BSND: variants seen among roughly 807,000 people sequenced by gnomAD.
BSND encodes barttin.
In BSND, 13 loss-of-function variants were observed where a neutral mutation model predicts 18.8. The observed-to-expected ratio is 0.69, with a 90% CI of 0.45 to 1.10. The LOEUF is 1.10. BSND is among the 50% of genes least tolerant of loss of function. The pLI, the probability that BSND is intolerant of heterozygous loss-of-function variation, is 0.00. For synonymous variants in BSND, 170 were observed against 161.8 expected (o/e 1.05, Z -0.39); for missense variants, 379 against 416.7 (o/e 0.91, Z 0.79).
chr1:55,001,317 A>C (rs946481697), intron 1 of BSND, among the ~76,000 whole-genome samples: 2 of 151,264 alleles, frequency 1.3e-5, no homozygotes, highest in African/African-American at 4.9e-5. Context: ...GAGGATTGGT[A>C]TTTGCGGCAC....
intron 2 of BSND, among the ~76,000 whole-genome samples, chr1:55,005,853 A>G (rs980784734): frequency 6.6e-6 from 1 of 151,406 alleles, no homozygotes; most frequent in Admixed American, 6.5e-5. Context: ...CAGTGATGGA[A>G]GCCGGGCCTG....
At chr1:55,007,981 A>G (rs953276316) in intron 3 of BSND, among the ~76,000 whole-genome samples, 3 of 152,238 alleles carry the variant, frequency 2.0e-5, no homozygotes, top group African/African-American at 7.2e-5. Flanking sequence ...GCATAGTAAT[A>G]GCCCTATTTC....
At position 55,008,616 on chromosome 1, in the gene BSND, C is replaced by A. The variant is rs876657432; in HGVS notation, c.951C>A (p.Asp317Glu). 6.2e-7 allele frequency: 1 copy of A among 1,614,156 alleles called. No individual in the cohort carries two copies. Among genetic ancestry groups the A allele is most frequent in the South Asian group, 1.1e-5 (1 of 91,082 alleles). The change falls in exon 4 of 4, where the codon GAC (aspartate) becomes GAA (glutamate). Residue 317 changes from aspartate to glutamate, a missense_variant. Transcript: ENST00000651561. ...ACAAGGAGCTGGGTTTTGAGCCTGA[C>A]ACCCAAGGCTGAGATGTTTGTGCTC... ...LPDKELGFEP[D>E]TQG
rs761777830 is a variant in BSND at position 55,007,112 on chromosome 1, T to TCCTTGCTG, written c.389_396dup (p.Ala133ProfsTer48). 5 of 1,614,122 alleles carry TCCTTGCTG rather than the reference T, an allele frequency of 3.1e-6. No homozygotes were observed. In the South Asian group the frequency reaches 5.5e-5, roughly 18 times the overall value. Reference sequence around the variant, plus strand: ...CATGAGCTACAGTGAGGACCACCGCTCCTTGCTGGCCCCTGAGATGGGGCA... The same window carrying TCCTTGCTG: ...CATGAGCTACAGTGAGGACCACCGCTCCTTGCTGCCTTGCTGGCCCCTGAGATGGGGCA... On this transcript the variant is annotated frameshift_variant, in exon 3 of 4. Transcript: ENST00000651561. LOFTEE classifies it high-confidence loss of function.
chr1:54,999,741 C>T (rs539235609), intron 1 of BSND, among the ~76,000 whole-genome samples: 2 of 152,334 alleles, frequency 1.3e-5, no homozygotes, highest in South Asian at 4.1e-4. Flanking sequence ...CCTTTTGGTG[C>T]TTTCTGTAGT....
rs930029629 is a variant in BSND, at chr1:55,011,306, TAGG to T, written c.*2682_*2684del. The T allele has an allele frequency of 1.4e-5, 2 of 139,194 alleles. No homozygotes were observed. The highest frequency in any genetic ancestry group is 3.1e-5 in the Non-Finnish European group (2 of 64,688). The allele number at this position is 139,194 out of a possible 1,614,324, so 8.6% of individuals were successfully genotyped here. A position where few individuals can be genotyped will look rare whatever the true frequency, so the allele number is the denominator to read the frequency against. ...ACACCGACTGCCTCTGCTAAGTTAT[TAGG>T]AGGCCCCTTTCACGCTCGAAGATAC... is the stretch of plus-strand genomic sequence containing the variant. On this transcript the variant is annotated 3_prime_UTR_variant, in exon 4 of 4. Coordinates refer to ENST00000651561, the MANE Select transcript of BSND (RefSeq NM_057176.3).
Position 55,010,938 on chromosome 1 carries a change from G to A in BSND, c.*2310G>A, listed in dbSNP as rs1490641173. 2.6e-5 allele frequency: 4 copies of A among 152,214 alleles called. No individual in the cohort carries two copies. The highest frequency in any genetic ancestry group is 5.9e-5 in the Non-Finnish European group (4 of 68,044). 9.4% of individuals were successfully genotyped at this position (152,214 alleles called of 1,614,324 possible). A position where few individuals can be genotyped will look rare whatever the true frequency, so the allele number is the denominator to read the frequency against. On this transcript the variant is annotated 3_prime_UTR_variant, in exon 4 of 4. Coordinates refer to ENST00000651561, the MANE Select transcript of BSND (RefSeq NM_057176.3). Reference sequence around the variant, plus strand: ...TTTCTTTAAAACCACCCCTTCCCTCGGGGCAGGATACGTGAGGCCTTACGC... The same window carrying A: ...TTTCTTTAAAACCACCCCTTCCCTCAGGGCAGGATACGTGAGGCCTTACGC...
At chr1:55,004,862 G>C (rs1157352361) in intron 1 of BSND, among the ~76,000 whole-genome samples, 160 bp from the exon 2 acceptor site, 2 of 152,226 alleles carry the variant, frequency 1.3e-5, no homozygotes, top group African/African-American at 2.4e-5. Flanking sequence ...CCTCCCGCTG[G>C]TGCTGTGCCC....
chr1:55,005,840 A>C (rs1644388935), intron 2 of BSND, among the ~76,000 whole-genome samples: 1 of 151,502 alleles, frequency 6.6e-6, no homozygotes, highest in South Asian at 2.1e-4. Context: ...CCTCATGGGG[A>C]GTCAGTGATG....
At position 55,011,417 on chromosome 1, in the gene BSND, A is replaced by C. The variant is rs1438533806; in HGVS notation, c.*2789A>C. The C allele has an allele frequency of 6.6e-6, 1 of 152,232 alleles. No homozygotes were observed. Among genetic ancestry groups the C allele is most frequent in the African/African-American group, 2.4e-5 (1 of 41,450 alleles). The allele number at this position is 152,232 out of a possible 1,614,324, so 9.4% of individuals were successfully genotyped here. On this transcript the variant is annotated 3_prime_UTR_variant, in exon 4 of 4. Coordinates refer to ENST00000651561, the MANE Select transcript of BSND (RefSeq NM_057176.3). ...TGCCTCCGTAGCCCTCAGCTTTCTCATGTGCAAATGACAGATGAAGTGCGC... is the reference window on the plus strand; with the variant it reads ...TGCCTCCGTAGCCCTCAGCTTTCTCCTGTGCAAATGACAGATGAAGTGCGC...
At position 55,002,419 on chromosome 1, in the gene BSND, C is replaced by T. The variant is rs539408668; in HGVS notation, c.178-2603C>T. On this transcript the variant is annotated intron_variant, in intron 1 of 3. Coordinates refer to ENST00000651561, the MANE Select transcript of BSND (RefSeq NM_057176.3). ...GAGAGCAGGGTCTCTGCCCACGCATCCCCCATTCCTCACTCCTGCCTGCTG... is the reference window on the plus strand; with the variant it reads ...GAGAGCAGGGTCTCTGCCCACGCATTCCCCATTCCTCACTCCTGCCTGCTG... Among the ~76,000 whole-genome samples, 5 of 152,322 alleles carry T rather than the reference C, an allele frequency of 3.3e-5. No homozygotes were observed. The East Asian group carries it at 5.8e-4, about 18-fold the overall frequency.
rs1181325994 is a variant in BSND, at chr1:55,009,950, AG to A, written c.*1324del. 1 of 152,254 alleles carries A rather than the reference AG, an allele frequency of 6.6e-6. No individual in the cohort carries two copies. Among genetic ancestry groups the A allele is most frequent in the Non-Finnish European group, 1.5e-5 (1 of 68,090 alleles). 9.4% of individuals were successfully genotyped at this position (152,254 alleles called of 1,614,324 possible). A position where few individuals can be genotyped will look rare whatever the true frequency, so the allele number is the denominator to read the frequency against. ...TCAGCTACTTGGGAGGCTGAGCTGG[AG>A]GATAGCTTAAGCACAGGAGATGGAA... On this transcript the variant is annotated 3_prime_UTR_variant, in exon 4 of 4. Transcript: ENST00000651561.
rs570567909 is a variant in BSND at position 55,000,905 on chromosome 1, G to A, written c.177+1542G>A. On this transcript the variant is annotated intron_variant, in intron 1 of 3. Transcript: ENST00000651561. The stretch of plus-strand genomic sequence containing the variant: ...GGAGAGGAGCATCCTTCCTGCCCCC[G>A]CTCTTAAATAGAGCTGGCTCTGGGA... 4.0e-4 allele frequency among the ~76,000 whole-genome samples: 61 copies of A among 152,284 alleles called. 1 individual carries two copies. Among genetic ancestry groups the A allele is most frequent in the Admixed American group, 1.4e-3 (21 of 15,300 alleles).
In BSND at chr1:55,014,111, T is replaced by C. The variant is rs1644436663; in HGVS notation, c.*5483T>C. Among the ~76,000 whole-genome samples, 1 of 151,944 alleles carries C rather than the reference T, an allele frequency of 6.6e-6. No homozygotes were observed. Among genetic ancestry groups the C allele is most frequent in the African/African-American group, 2.4e-5 (1 of 41,362 alleles). ...CAGTCTCCCCACATGGACTGGGAGG[T>C]CCTTCAAGGACAGGGGCCTCTTCCC... is the stretch of plus-strand genomic sequence containing the variant. On this transcript the variant is annotated 3_prime_UTR_variant, in exon 4 of 4. Transcript: ENST00000651561.
Position 55,017,132 on chromosome 1 carries a change from C to T in BSND, c.*8504C>T, listed in dbSNP as rs1420928006. Among the ~76,000 whole-genome samples, 2 of 152,176 alleles carry T rather than the reference C, an allele frequency of 1.3e-5. No individual in the cohort carries two copies. The highest frequency in any genetic ancestry group is 4.8e-5 in the African/African-American group (2 of 41,436). On this transcript the variant is annotated 3_prime_UTR_variant, in exon 4 of 4. Coordinates refer to ENST00000651561, the MANE Select transcript of BSND (RefSeq NM_057176.3). The stretch of plus-strand genomic sequence containing the variant: ...TGTGCCCTCAGTGCTTAGTTAAGTT[C>T]CTGGAACACAGTATCCTCTCAATAA...
In BSND at chr1:55,013,415, A is replaced by G. The variant is rs1232540414; in HGVS notation, c.*4787A>G. Among the ~76,000 whole-genome samples, 2 of 152,182 alleles carry G rather than the reference A, an allele frequency of 1.3e-5. No homozygotes were observed. The highest frequency in any genetic ancestry group is 2.9e-5 in the Non-Finnish European group (2 of 68,034). Reference sequence around the variant, plus strand: ...TGACCTCAGATGATCTACCCGCCTCAGCCTCCCAAAGTGCTGGCATTACAG... The same window carrying G: ...TGACCTCAGATGATCTACCCGCCTCGGCCTCCCAAAGTGCTGGCATTACAG... On this transcript the variant is annotated 3_prime_UTR_variant, in exon 4 of 4. Coordinates refer to ENST00000651561, the MANE Select transcript of BSND (RefSeq NM_057176.3).
In BSND at chr1:55,007,273, G is replaced by T. The variant is rs765766484; in HGVS notation, c.548+1G>T. ...GACGCCTAACTCAGAGCTGGCCCGG[G>T]TGAGTGCTTAGAGGGCAGGAGTGGG... On this transcript the variant is annotated splice_donor_variant, in intron 3 of 3. Coordinates refer to ENST00000651561, the MANE Select transcript of BSND (RefSeq NM_057176.3). LOFTEE classifies it high-confidence loss of function. 5 of 1,587,708 alleles carry T rather than the reference G, an allele frequency of 3.1e-6. No individual in the cohort carries two copies. The highest frequency in any genetic ancestry group is 1.7e-6 in the Non-Finnish European group (2 of 1,163,586).
chr1:55,003,677 A>C (rs1300106028), intron 1 of BSND, among the ~76,000 whole-genome samples: 1 of 152,224 alleles, frequency 6.6e-6, no homozygotes, highest in African/African-American at 2.4e-5. Flanking sequence ...TTTTCAGCCG[A>C]GGAGAGCAAG....
At position 55,002,338 on chromosome 1, in the gene BSND, G is replaced by A. The variant is rs74075305; in HGVS notation, c.178-2684G>A. ...AGTGGATGGGACAGTTGGAGGTGCT[G>A]AGCCCATTAGTGAAGATGGGGCAGG... On this transcript the variant is annotated intron_variant, in intron 1 of 3. Transcript: ENST00000651561. Among the ~76,000 whole-genome samples the A allele has an allele frequency of 8.5e-3, 1,299 of 152,326 alleles. 27 individuals are homozygous for A. Among genetic ancestry groups the A allele is most frequent in the African/African-American group, 0.03 (1,249 of 41,572 alleles).
Sources: allele counts gnomAD v4.1 joint callset (sites outside exome capture counted in the v4.1 genomes callset), GRCh38; gene constraint gnomAD v4.1.1; transcripts MANE v1.5; gene names NCBI Gene and HGNC (gene_info 2026-07-23, HGNC 2026-07-21).